The following SEMA4F variants were observed in gnomAD, a reference collection of about 807,000 sequenced individuals.
The protein encoded by SEMA4F is ssemaphorin 4F, also known as semaphorin-4F.
In SEMA4F, 51 loss-of-function variants were observed where a neutral mutation model predicts 78.4. The ratio of observed to expected loss-of-function variants is 0.65; its 90% CI spans 0.52 to 0.82. The LOEUF is 0.82. Among genes scored for constraint, SEMA4F ranks in the 40% least tolerant of loss-of-function variants. The probability of loss-of-function intolerance (pLI) is 0.00; values close to 1 mark genes in which losing one functional copy is unlikely to be tolerated. For synonymous variants in SEMA4F, 418 were observed against 408.7 expected, an observed-to-expected ratio of 1.02 and a Z score of -0.27; for missense variants, 938 against 1,014.4, an observed-to-expected ratio of 0.92 and a Z score of 1.02.
intron 1 of SEMA4F, among the ~76,000 whole-genome samples, chr2:74,656,118 C>T (rs1284823869): frequency 6.6e-6 from 1 of 151,764 alleles, no homozygotes; most frequent in Non-Finnish European, 1.5e-5. Flanking sequence ...AAGCAATTCT[C>T]CTGCCTCAGC....
At chr2:74,686,856 A>G (rs867948175), downstream of SEMA4F, among the ~76,000 whole-genome samples, 138 of 150,720 alleles carry the variant, frequency 9.2e-4, no homozygotes, top group African/African-American at 3.3e-3. Flanking sequence ...GGCGGGGAAC[A>G]TCACACACTG....
At chr2:74,686,230 G>A (rs186193160), downstream of SEMA4F, among the ~76,000 whole-genome samples, 3 of 151,992 alleles carry the variant, frequency 2.0e-5, no homozygotes, top group African/African-American at 7.2e-5. Flanking sequence ...CTCCCGAGTA[G>A]CTGGGACTAC....
chr2:74,685,143 TC>T (rs1424690529), downstream of SEMA4F, among the ~76,000 whole-genome samples: 1 of 152,200 alleles, frequency 6.6e-6, no homozygotes, highest in Non-Finnish European at 1.5e-5. Flanking sequence ...TTCTTCTGTC[TC>T]CATGGAGTAC....
At chr2:74,665,706 C>T (rs1429735026) in intron 5 of SEMA4F, among the ~76,000 whole-genome samples, 1 of 152,008 alleles carries the variant, frequency 6.6e-6, no homozygotes, top group East Asian at 1.9e-4. Flanking sequence ...TTGAATAAAA[C>T]AATTTAGTGG....
At chr2:74,663,276 A>G (rs577093071) in intron 5 of SEMA4F, among the ~76,000 whole-genome samples, 19 of 152,256 alleles carry the variant, frequency 1.2e-4, no homozygotes, top group Non-Finnish European at 2.4e-4. Flanking sequence ...TATTGTGGCT[A>G]TAGAGCCCTT....
At chr2:74,676,796 T>G (rs1048148418) in intron 12 of SEMA4F, among the ~76,000 whole-genome samples, 21 of 152,212 alleles carry the variant, frequency 1.4e-4, no homozygotes, top group African/African-American at 5.1e-4. Context: ...ATTTTCCATT[T>G]AGCAGCTTAA....
Position 74,669,628 on chromosome 2 carries a change from TAACA to T in SEMA4F, c.551-3822_551-3819del, listed in dbSNP as rs905703078. ...CAACAACAACAACAAAAACAAAAGG[TAACA>T]AACAAAAAACGAATGAACTGATAAT... On this transcript the variant is annotated intron_variant, in intron 5 of 13. Coordinates refer to ENST00000357877, the MANE Select transcript of SEMA4F (RefSeq NM_004263.5). 1.1e-4 allele frequency among the ~76,000 whole-genome samples: 16 copies of T among 151,904 alleles called. No individual in the cohort carries two copies. The South Asian group carries it at 1.5e-3, about 14-fold the overall frequency.
intron 12 of SEMA4F, among the ~76,000 whole-genome samples, chr2:74,678,581 T>C (rs531158877): frequency 4.6e-5 from 7 of 152,200 alleles, no homozygotes; most frequent in Non-Finnish European, 1.0e-4. Context: ...ACAACCCTAG[T>C]GTAGGGGTCT....
At position 74,675,388 on chromosome 2, in the gene SEMA4F, T is replaced by C. The variant is rs1386770591; in HGVS notation, c.1372+4T>C. 1.2e-6 allele frequency: 2 copies of C among 1,611,354 alleles called. No individual in the cohort carries two copies. The highest frequency in any genetic ancestry group is 1.7e-6 in the Non-Finnish European group (2 of 1,178,038). Reference sequence around the variant, plus strand: ...GATGTGCTCTACCTGGGGACAGGTATATTTAATGGTCAAGCAGGCTGCCTA... The same window carrying C: ...GATGTGCTCTACCTGGGGACAGGTACATTTAATGGTCAAGCAGGCTGCCTA... On this transcript the variant is annotated splice_donor_region_variant and intron_variant, in intron 10 of 13. Transcript: ENST00000357877.
intron 5 of SEMA4F, among the ~76,000 whole-genome samples, chr2:74,671,628 T>C (rs1463735904): frequency 6.6e-6 from 1 of 152,268 alleles, no homozygotes; most frequent in Non-Finnish European, 1.5e-5. Flanking sequence ...GTGTGATGAC[T>C]CCCAAGTTGC....
chr2:74,661,477 G>A (rs889563125), intron 4 of SEMA4F, among the ~76,000 whole-genome samples: 7 of 152,172 alleles, frequency 4.6e-5, no homozygotes, highest in Non-Finnish European at 1.0e-4. Flanking sequence ...TTAGGTGAGA[G>A]GTAAGAAGGG....
Position 74,683,462 on chromosome 2 carries a change from G to A in SEMA4F, c.*3253G>A, listed in dbSNP as rs996200248. On this transcript the variant is annotated 3_prime_UTR_variant, in exon 14 of 14. Coordinates refer to ENST00000357877, the MANE Select transcript of SEMA4F (RefSeq NM_004263.5). Reference sequence around the variant, plus strand: ...CCCCGAGGTGAGGACGGGGATGGGAGTTTTTTCTTTTGAGTGATGTAGACC... The same window carrying A: ...CCCCGAGGTGAGGACGGGGATGGGAATTTTTTCTTTTGAGTGATGTAGACC... 4 of 152,276 alleles carry A rather than the reference G, an allele frequency of 2.6e-5. No individual in the cohort carries two copies. The highest frequency in any genetic ancestry group is 1.9e-4 in the East Asian group (1 of 5,206). The allele number at this position is 152,276 out of a possible 1,614,324, so 9.4% of individuals were successfully genotyped here.
rs565664464 is a variant in SEMA4F at position 74,679,873 on chromosome 2, G to T, written c.1977G>T (p.Val659=). ...ATGCTCCGAGCCGGGCCCACACAGT[G>T]GGGGCGGGACTGGCTGGCTTCTTCT... The part of the protein sequence containing the change: ...QRDAPSRAHT[V]GAGLAGFFLG... The change falls in exon 14 of 14, where the codon GTG becomes GTT. Residue 659 remains valine, a synonymous_variant. Transcript: ENST00000357877. The T allele has an allele frequency of 6.2e-7, 1 of 1,614,206 alleles. No individual in the cohort carries two copies. The highest frequency in any genetic ancestry group is 1.1e-5 in the South Asian group (1 of 91,086).
intron 5 of SEMA4F, among the ~76,000 whole-genome samples, chr2:74,666,022 C>T (rs1684679757): frequency 6.6e-6 from 1 of 152,120 alleles, no homozygotes; most frequent in African/African-American, 2.4e-5. Context: ...ATTGTCCTGC[C>T]TCAGCCTCCT....
chr2:74,699,060 C>T, the SEMA4F span, among the ~76,000 whole-genome samples: 2 of 152,066 alleles, frequency 1.3e-5, no homozygotes, highest in South Asian at 2.1e-4. Context: ...GTGATCCTCT[C>T]GCCTTGGCCT....
At chr2:74,698,824 C>T in the SEMA4F span, among the ~76,000 whole-genome samples, 3 of 152,174 alleles carry the variant, frequency 2.0e-5, no homozygotes, top group Admixed American at 6.5e-5. Context: ...TTGTTATTTC[C>T]ACTTCAGAGG....
rs1199876876 is a variant in SEMA4F at position 74,680,167 on chromosome 2, A to G, written c.2271A>G (p.Leu757=). 6.3e-7 allele frequency: 1 copy of G among 1,598,096 alleles called. No homozygotes were observed. The highest frequency in any genetic ancestry group is 2.2e-5 in the East Asian group (1 of 44,468). ...GCCCAAGCCCAGCCCACATTCGGCT[A>G]ACTGGGGCTCCTCTAGCCACATGTG... ...DPCPSPAHIR[L]TGAPLATCDE... The change falls in exon 14 of 14, where the codon CTA becomes CTG. Residue 757 remains leucine (L), a synonymous_variant. Coordinates refer to ENST00000357877, the MANE Select transcript of SEMA4F (RefSeq NM_004263.5).
At chr2:74,687,865 A>C (rs765791908), downstream of SEMA4F, among the ~76,000 whole-genome samples, 1 of 152,196 alleles carries the variant, frequency 6.6e-6, no homozygotes, top group Non-Finnish European at 1.5e-5. Flanking sequence ...GTCCACAGGT[A>C]GGTCCTCTCT....
chr2:74,690,970 C>T, the SEMA4F span, among the ~76,000 whole-genome samples: 2 of 152,164 alleles, frequency 1.3e-5, no homozygotes, highest in Admixed American at 1.3e-4. Flanking sequence ...TTCTTTATTC[C>T]TTTCTGTAGA....
Sources: gnomAD v4.1 joint callset for allele counts (sites outside exome capture counted in the v4.1 genomes callset) on GRCh38, gnomAD v4.1.1 for gene constraint, MANE v1.5 for transcripts, NCBI Gene and HGNC (gene_info 2026-07-23, HGNC 2026-07-21) for gene names.